Variants in MAK observed in about 807,000 individuals in gnomAD.
The protein encoded by MAK is male germ cell associated kinase.
MAK carries 65 observed loss-of-function variants against 82.6 expected under a neutral mutation model. The ratio of observed to expected loss-of-function variants is 0.79; its 90% CI spans 0.64 to 0.97. MAK has a LOEUF of 0.97. Among genes scored for constraint, MAK ranks in the 50% least tolerant of loss-of-function variants. MAK has a pLI of 0.00. For synonymous variants in MAK, 250 were observed against 274.2 expected, an observed-to-expected ratio of 0.91 and a Z score of 0.87; for missense variants, 703 against 780.2, an observed-to-expected ratio of 0.90 and a Z score of 1.18.
intron 5 of MAK, among the ~76,000 whole-genome samples, chr6:10,813,122 ATATATATATATAAATTTTTTT>A (rs1777143469): frequency 2.5e-3 from 4 of 1,620 alleles, no homozygotes; most frequent in African/African-American, 0.012. Flanking sequence ...ATATATATAT[ATATATATATATAAATTTTTTT>A]TTTTTTTTTT....
At position 10,801,896 on chromosome 6, in the gene MAK, C is replaced by T. The variant is rs1203688367; in HGVS notation, c.827G>A (p.Ser276Asn). The T allele has an allele frequency of 6.2e-7, 1 of 1,614,012 alleles. No homozygotes were observed. Among genetic ancestry groups the T allele is most frequent in the East Asian group, 2.2e-5 (1 of 44,886 alleles). ...TAACAGGAAGACTCCTCTTACCTGG[C>T]TTGCTGTCGGTCGTTTCTTTGGATC... is the stretch of plus-strand genomic sequence containing the variant. ...NWDPKKRPTA[S>N]QALKHPYFQV... Residue 276 changes from serine to asparagine, a missense_variant, in exon 8 of 15, where the codon AGC becomes AAC. Physicochemically the swap from Ser to Asn is conservative, Grantham distance 46. Coordinates refer to ENST00000354489, the MANE Select transcript of MAK (RefSeq NM_001242957.3).
chr6:10,783,859 A>C (rs1252723502), intron 11 of MAK, among the ~76,000 whole-genome samples: 1 of 152,130 alleles, frequency 6.6e-6, no homozygotes, highest in Non-Finnish European at 1.5e-5. Flanking sequence ...TCTCTACTAA[A>C]AATGCAAAAA....
chr6:10,789,062 GT>G (rs1774846854), intron 10 of MAK, among the ~76,000 whole-genome samples: 1 of 150,138 alleles, frequency 6.7e-6, no homozygotes, highest in Non-Finnish European at 1.5e-5. Flanking sequence ...TAATCCATGT[GT>G]TTTGAAAACC....
At chr6:10,767,870 G>A (rs1772614677) in intron 14 of MAK, among the ~76,000 whole-genome samples, 1 of 152,052 alleles carries the variant, frequency 6.6e-6, no homozygotes, top group African/African-American at 2.4e-5. Context: ...TGCAAGAAGG[G>A]GGAAATAGTT....
At chr6:10,783,776 T>C (rs1269492637) in intron 11 of MAK, among the ~76,000 whole-genome samples, 1 of 152,190 alleles carries the variant, frequency 6.6e-6, no homozygotes, top group African/African-American at 2.4e-5. Flanking sequence ...ATCTCAGCAC[T>C]TTGGGAGGCC....
intron 1 of MAK, among the ~76,000 whole-genome samples, chr6:10,835,813 AT>A (rs1447583857): frequency 1.3e-5 from 2 of 152,180 alleles, no homozygotes; most frequent in African/African-American, 4.8e-5. Flanking sequence ...TGACAAAAAA[AT>A]CACCTTCATT....
At chr6:10,772,957 TA>T (rs1773150350) in intron 13 of MAK, 76 bp downstream of exon 13, 5 of 968,378 alleles carry the variant, frequency 5.2e-6, no homozygotes, top group African/African-American at 1.6e-5. Flanking sequence ...ATGTCAGGAT[TA>T]GGGGCAAATG....
intron 2 of MAK, among the ~76,000 whole-genome samples, chr6:10,826,099 G>A (rs147936939): frequency 1.2e-3 from 175 of 152,054 alleles, no homozygotes; most frequent in African/African-American, 3.6e-3. Context: ...CTAGCCTCAC[G>A]TCCCTCCTCT....
At chr6:10,766,637 C>T (rs968389959) in intron 14 of MAK, among the ~76,000 whole-genome samples, 2 of 152,106 alleles carry the variant, frequency 1.3e-5, no homozygotes, top group Non-Finnish European at 2.9e-5. Context: ...GTGAGCTCAC[C>T]CATGTGGGCC....
intron 10 of MAK, among the ~76,000 whole-genome samples, chr6:10,786,641 C>T (rs1294717249): frequency 8.4e-6 from 1 of 118,974 alleles, no homozygotes; most frequent in Non-Finnish European, 1.7e-5. Context: ...CAGTTCACCT[C>T]CTATTCACCA....
rs761680845 is a variant in MAK at position 10,770,207 on chromosome 6, A to G, written c.1696T>C (p.Tyr566His). The change falls in exon 14 of 15, where the codon TAC (tyrosine) becomes CAC (histidine). Residue 566 changes from tyrosine (Y) to histidine (H), a missense_variant. Tyr to His is a moderately conservative substitution (Grantham distance 83). Transcript: ENST00000354489. ...PQGNLGSYAT[Y>H]NQSGYIPSFL... ...GAAGGAATATATCCTGACTGATTGTAAGTAGCATAACTTCCAAGATTTCCT... is the reference window on the plus strand; with the variant it reads ...GAAGGAATATATCCTGACTGATTGTGAGTAGCATAACTTCCAAGATTTCCT... 1.9e-5 allele frequency: 30 copies of G among 1,613,974 alleles called. No individual in the cohort carries two copies. The highest frequency in any genetic ancestry group is 2.5e-5 in the Non-Finnish European group (29 of 1,180,008).
chr6:10,836,090 C>G (rs1479963648), intron 1 of MAK, among the ~76,000 whole-genome samples: 1 of 152,198 alleles, frequency 6.6e-6, no homozygotes, highest in African/African-American at 2.4e-5. Context: ...AATTGTCTTT[C>G]AACGGATGAT....
intron 2 of MAK, among the ~76,000 whole-genome samples, chr6:10,821,328 T>G (rs1777924513): frequency 1.3e-5 from 2 of 152,168 alleles, no homozygotes. Flanking sequence ...CAGGCTGGAC[T>G]GCAATGGCGT....
chr6:10,774,188 T>C (rs978557511), intron 12 of MAK, among the ~76,000 whole-genome samples: 3 of 152,174 alleles, frequency 2.0e-5, no homozygotes, highest in Admixed American at 1.3e-4. Flanking sequence ...CACTCTAAAA[T>C]ATGTGTAAAT....
Position 10,793,655 on chromosome 6 carries a change from C to G in MAK, c.1144-1808G>C, listed in dbSNP as rs563777020. On this transcript the variant is annotated intron_variant, in intron 9 of 14. Coordinates refer to ENST00000354489, the MANE Select transcript of MAK (RefSeq NM_001242957.3). The surrounding 1 kb of genome is among the most constrained non-coding windows in gnomAD (Gnocchi z 4.6). ...TACTTAATCCCAGCTCTGGAACTCACCTATATAAAAATGTGTGTGTGGCGG... is the reference window on the plus strand; with the variant it reads ...TACTTAATCCCAGCTCTGGAACTCAGCTATATAAAAATGTGTGTGTGGCGG... Among the ~76,000 whole-genome samples the G allele has an allele frequency of 6.6e-6, 1 of 151,846 alleles. No homozygotes were observed. Among genetic ancestry groups the G allele is most frequent in the Non-Finnish European group, 1.5e-5 (1 of 67,966 alleles).
In MAK at chr6:10,787,479, T is replaced by C. The variant is rs141710362; in HGVS notation, c.1317-2907A>G. Among the ~76,000 whole-genome samples, 308 of 152,276 alleles carry C rather than the reference T, an allele frequency of 2.0e-3. 1 individual carries two copies. The highest frequency in any genetic ancestry group is 7.1e-3 in the African/African-American group (296 of 41,544). On this transcript the variant is annotated intron_variant, in intron 10 of 14. Transcript: ENST00000354489. ...GTTTAGGCAGGAGCTTAACAGATGG[T>C]AGTATATTAATAATAATGATGATCA...
chr6:10,809,908 G>A (rs1233899155), intron 5 of MAK, among the ~76,000 whole-genome samples: 3 of 151,956 alleles, frequency 2.0e-5, no homozygotes, highest in Non-Finnish European at 4.4e-5. Flanking sequence ...GACCAGCCTG[G>A]CCAATATGAT....
chr6:10,832,241 G>A (rs1433059473), intron 1 of MAK, among the ~76,000 whole-genome samples: 1 of 152,194 alleles, frequency 6.6e-6, no homozygotes, highest in African/African-American at 2.4e-5. Context: ...CGCCTCGGCG[G>A]GATTACAGGC....
At chr6:10,770,718 C>T (rs112193576) in intron 13 of MAK, among the ~76,000 whole-genome samples, 6,300 of 152,228 alleles carry the variant, frequency 0.041, 397 homozygotes, top group African/African-American at 0.14. Context: ...AGAATCTGTA[C>T]GCATTAAACG....
Sources: allele counts gnomAD v4.1 joint callset (sites outside exome capture counted in the v4.1 genomes callset), GRCh38; gene constraint gnomAD v4.1.1; non-coding constraint Gnocchi (gnomAD v3.1); transcripts MANE v1.5; gene names NCBI Gene and HGNC (gene_info 2026-07-23, HGNC 2026-07-21).